The following CUL3 variants were observed in gnomAD, a reference collection of about 807,000 sequenced individuals.
CUL3 encodes the protein cullin-3.
Under a neutral mutation model 89.1 loss-of-function variants are expected in CUL3, and 19 were observed. That is an observed-to-expected ratio of 0.21 (90% CI 0.15 to 0.31). CUL3 has a LOEUF of 0.31. CUL3 is among the 10% of genes least tolerant of loss of function. The pLI is 1.00. For missense variants in CUL3, 469 were observed against 942.3 expected (o/e 0.50, Z 6.58); for synonymous variants, 351 against 308.4 (o/e 1.14, Z -1.45).
At chr2:224,561,525 C>T (rs763977004) in intron 1 of CUL3, among the ~76,000 whole-genome samples, 42 of 152,314 alleles carry the variant, frequency 2.8e-4, no homozygotes, top group Middle Eastern at 3.4e-3. Context: ...AAGCAAATGA[C>T]TCAAACTGAA....
intron 2 of CUL3, among the ~76,000 whole-genome samples, chr2:224,549,327 T>TA (rs60131758): frequency 0.013 from 1,741 of 129,042 alleles, 31 homozygotes; most frequent in East Asian, 0.11. Context: ...GAAAATAAAT[T>TA]AAAAAAAAAA....
At chr2:224,573,955 A>C (rs1695243488) in intron 1 of CUL3, among the ~76,000 whole-genome samples, 1 of 152,192 alleles carries the variant, frequency 6.6e-6, no homozygotes, top group South Asian at 2.1e-4. Flanking sequence ...TGGAAATGGA[A>C]AGGAATTGGA....
At chr2:224,510,432 G>A (rs993198747) in intron 6 of CUL3, among the ~76,000 whole-genome samples, 2 of 151,282 alleles carry the variant, frequency 1.3e-5, no homozygotes, top group Admixed American at 1.3e-4. Context: ...ACCAGCTTTC[G>A]TTTTCCTTTC....
At position 224,503,703 on chromosome 2, in the gene CUL3, T is replaced by C. The variant is rs1692485818; in HGVS notation, c.1326A>G (p.Thr442=). Residue 442 remains threonine (T), a synonymous_variant, in exon 9 of 16, where the codon ACA becomes ACG. Coordinates refer to ENST00000264414, the MANE Select transcript of CUL3 (RefSeq NM_003590.5). ...CAGAGTCATCAGAAACACTTTTATT[T>C]GTGAGAAGTCTCCTTGCCAAGTGTT... ...YKQHLARRLL[T]NKSVSDDSEK... 3 of 1,603,642 alleles carry C rather than the reference T, an allele frequency of 1.9e-6. No homozygotes were observed. The highest frequency in any genetic ancestry group is 2.5e-6 in the Non-Finnish European group (3 of 1,177,396).
rs1386785769 is a variant in CUL3, at chr2:224,485,140, T to C, written c.1843-3062A>G. 6.6e-6 allele frequency: 1 copy of C among 152,274 alleles called. No homozygotes were observed. The highest frequency in any genetic ancestry group is 1.5e-5 in the Non-Finnish European group (1 of 68,106). The allele number at this position is 152,274 out of a possible 1,614,324, so 9.4% of individuals were successfully genotyped here. A position where few individuals can be genotyped will look rare whatever the true frequency, so the allele number is the denominator to read the frequency against. On this transcript the variant is annotated intron_variant, in intron 13 of 15. Coordinates refer to ENST00000264414, the MANE Select transcript of CUL3 (RefSeq NM_003590.5). The surrounding 1 kb of genome is among the most constrained non-coding windows in gnomAD (Gnocchi z 4.1). ...GCAACCCGCAGACCAGGAGATTCCC[T>C]TGTGTGCCTACACCACCAGGACCCT... is the stretch of plus-strand genomic sequence containing the variant.
chr2:224,483,854 G>A (rs1466723), intron 13 of CUL3, among the ~76,000 whole-genome samples: 28,051 of 152,068 alleles, frequency 0.18, 2,932 homozygotes, highest in South Asian at 0.27. Context: ...TTTTTCAAAA[G>A]CAAATTTCTA....
intron 2 of CUL3, among the ~76,000 whole-genome samples, chr2:224,549,279 C>T (rs1694420307): frequency 6.7e-6 from 1 of 150,098 alleles, no homozygotes; most frequent in African/African-American, 2.5e-5. Context: ...ATGGCGCCAA[C>T]TGCACTCCAG....
At chr2:224,510,351 T>C (rs1365807534) in intron 6 of CUL3, among the ~76,000 whole-genome samples, 1 of 151,750 alleles carries the variant, frequency 6.6e-6, no homozygotes, top group Non-Finnish European at 1.5e-5. Context: ...ATTTCTCATA[T>C]ATACAAACAT....
chr2:224,492,447 T>TAATA (rs922400113), intron 13 of CUL3, among the ~76,000 whole-genome samples: 1 of 152,212 alleles, frequency 6.6e-6, no homozygotes, highest in Non-Finnish European at 1.5e-5. Context: ...CTGTAGTTTT[T>TAATA]AAATTTCAGA....
chr2:224,550,951 C>A (rs1694490521), intron 2 of CUL3, among the ~76,000 whole-genome samples: 1 of 152,144 alleles, frequency 6.6e-6, no homozygotes, highest in Non-Finnish European at 1.5e-5. Context: ...GATCTGGCTT[C>A]TGCTTCTCTC....
At chr2:224,529,488 G>C (rs568159973) in intron 3 of CUL3, among the ~76,000 whole-genome samples, 1 of 151,450 alleles carries the variant, frequency 6.6e-6, no homozygotes, top group Admixed American at 6.6e-5. Flanking sequence ...AATTAGCCGG[G>C]TGTGGTGGTG....
At chr2:224,545,256 CTG>C (rs1377516680) in intron 2 of CUL3, among the ~76,000 whole-genome samples, 2 of 152,010 alleles carry the variant, frequency 1.3e-5, no homozygotes, top group South Asian at 4.2e-4. Context: ...ATACAGTAGA[CTG>C]TGTTATTCTC....
chr2:224,476,444 A>G (rs1691326005), intron 15 of CUL3, among the ~76,000 whole-genome samples: 1 of 152,240 alleles, frequency 6.6e-6, no homozygotes, highest in Non-Finnish European at 1.5e-5. Context: ...CCTGAGCACC[A>G]TTCTTCGACA....
chr2:224,545,598 C>CA (rs745992271), intron 2 of CUL3, among the ~76,000 whole-genome samples: 81 of 152,270 alleles, frequency 5.3e-4, no homozygotes, highest in Admixed American at 2.0e-3. Flanking sequence ...CAAAAGTATA[C>CA]AAAGTATTTC....
intron 3 of CUL3, among the ~76,000 whole-genome samples, chr2:224,534,982 C>A (rs185102307): frequency 7.2e-4 from 108 of 150,604 alleles, no homozygotes; most frequent in African/African-American, 2.5e-3. Flanking sequence ...GCCTGGGGAA[C>A]AGAGCGAGAC....
rs1050396298 is a variant in CUL3 at position 224,497,317 on chromosome 2, ATTACT to A, written c.1707+431_1707+435del. Among the ~76,000 whole-genome samples, 13 of 152,260 alleles carry A rather than the reference ATTACT, an allele frequency of 8.5e-5. No individual in the cohort carries two copies. In the East Asian group the frequency reaches 2.3e-3, roughly 27 times the overall value. On this transcript the variant is annotated intron_variant, in intron 12 of 15. Transcript: ENST00000264414. ...CACTGGTCTAATACTAATTTTTTAAATTACTTTAATAACATTTATATATCTAACAA... is the reference window on the plus strand; with the variant it reads ...CACTGGTCTAATACTAATTTTTTAAATTAATAACATTTATATATCTAACAA...
chr2:224,582,584 C>T (rs1317369002), intron 1 of CUL3, among the ~76,000 whole-genome samples: 4 of 152,194 alleles, frequency 2.6e-5, no homozygotes, highest in African/African-American at 9.7e-5. Context: ...TCACTTACTT[C>T]ATGTAAGGTT....
rs2106194208 is a variant in CUL3, at chr2:224,502,974, C to T, written c.1476G>A (p.Gln492=). Residue 492 remains glutamine (Q), a synonymous_variant, in exon 10 of 16, where the codon CAG becomes CAA. Coordinates refer to ENST00000264414, the MANE Select transcript of CUL3 (RefSeq NM_003590.5). ...TAACGCAGAATCTTACACCAGTTGCCTGTAGATGTTGCCTGAATTCATCCA... is the reference window on the plus strand; with the variant it reads ...TAACGCAGAATCTTACACCAGTTGCTTGTAGATGTTGCCTGAATTCATCCA... ...TTMDEFRQHL[Q]ATGVSLGGVD... is the part of the protein sequence containing the mutation. The T allele has an allele frequency of 6.2e-7, 1 of 1,611,302 alleles. No individual in the cohort carries two copies. Among genetic ancestry groups the T allele is most frequent in the South Asian group, 1.1e-5 (1 of 90,944 alleles).
At chr2:224,513,155 C>T (rs113011566) in intron 5 of CUL3, among the ~76,000 whole-genome samples, 52 of 152,246 alleles carry the variant, frequency 3.4e-4, no homozygotes, top group Middle Eastern at 3.4e-3. Flanking sequence ...TGCTAATCAA[C>T]TGTTTATGTT....
Sources: allele counts gnomAD v4.1 joint callset (sites outside exome capture counted in the v4.1 genomes callset), GRCh38; gene constraint gnomAD v4.1.1; non-coding constraint Gnocchi (gnomAD v3.1); transcripts MANE v1.5; gene names NCBI Gene and HGNC (gene_info 2026-07-23, HGNC 2026-07-21).